The following FAT3 variants were observed in gnomAD, a reference collection of about 807,000 sequenced individuals.
FAT3 encodes FAT atypical cadherin 3.
FAT3 carries 95 observed loss-of-function variants against 310.2 expected under a neutral mutation model. The observed-to-expected ratio is 0.31, with a 90% confidence interval of 0.26 to 0.36. The LOEUF (loss-of-function observed/expected upper bound fraction) is 0.36, where lower values mean the gene tolerates loss of function less well. Among genes scored for constraint, FAT3 ranks in the 10% least tolerant of loss-of-function variants. The pLI is 1.00. For synonymous variants in FAT3, 2,314 were observed against 2,192.9 expected (o/e 1.06, Z -1.54); for missense variants, 5,408 against 5,715.6 (o/e 0.95, Z 1.74).
chr11:92,834,212 C>T (rs951479284), intron 14 of FAT3, among the ~76,000 whole-genome samples: 1 of 152,142 alleles, frequency 6.6e-6, no homozygotes, highest in Non-Finnish European at 1.5e-5. Flanking sequence ...CTTATTTAAG[C>T]AATTCTGTGA....
chr11:92,677,678 G>A (rs141858037), intron 3 of FAT3, among the ~76,000 whole-genome samples: 137 of 152,312 alleles, frequency 9.0e-4, no homozygotes, highest in African/African-American at 3.1e-3. Flanking sequence ...AAGCAGAAGG[G>A]TAAGAGAGCA....
At chr11:92,674,317 G>A (rs1338100766) in intron 3 of FAT3, among the ~76,000 whole-genome samples, 2 of 151,542 alleles carry the variant, frequency 1.3e-5, no homozygotes, top group African/African-American at 2.4e-5. Flanking sequence ...CCTCTAAGGA[G>A]CTCCTGAGCT....
At chr11:92,405,675 T>G (rs906616692) in intron 2 of FAT3, among the ~76,000 whole-genome samples, 1 of 152,164 alleles carries the variant, frequency 6.6e-6, no homozygotes, top group South Asian at 2.1e-4. Context: ...CACTTGGGAC[T>G]AGGAGCTTGA....
intron 2 of FAT3, among the ~76,000 whole-genome samples, chr11:92,524,230 A>G (rs929468068): frequency 2.0e-5 from 3 of 152,154 alleles, no homozygotes; most frequent in Admixed American, 6.5e-5. Flanking sequence ...AGTCAATTCA[A>G]TATCAGGTCA....
chr11:92,837,943 AC>A, intron 17 of FAT3, 137 bp downstream of exon 17: 1 of 1,070,026 alleles, frequency 9.3e-7, no homozygotes, highest in Non-Finnish European at 1.4e-6. Flanking sequence ...ATGAAAAAGA[AC>A]CTAGTTCTTC....
intron 2 of FAT3, among the ~76,000 whole-genome samples, chr11:92,386,956 C>T (rs750928859): frequency 6.6e-5 from 10 of 152,192 alleles, no homozygotes; most frequent in Admixed American, 2.0e-4. Flanking sequence ...CAGCCAAAGA[C>T]GTTTGCTGTT....
At chr11:92,719,685 A>G (rs1944803510) in intron 4 of FAT3, among the ~76,000 whole-genome samples, 1 of 151,352 alleles carries the variant, frequency 6.6e-6, no homozygotes, top group Non-Finnish European at 1.5e-5. Context: ...GGTTGAATCC[A>G]GGACACAGAA....
chr11:92,279,722 T>G (rs1206736874), intron 1 of FAT3, among the ~76,000 whole-genome samples: 3 of 152,164 alleles, frequency 2.0e-5, no homozygotes, highest in Non-Finnish European at 4.4e-5. Flanking sequence ...CCGGCTACTT[T>G]GAAATATGCA....
At chr11:92,555,475 G>A (rs773588509) in intron 3 of FAT3, among the ~76,000 whole-genome samples, 10 of 152,256 alleles carry the variant, frequency 6.6e-5, no homozygotes, top group South Asian at 2.1e-4. Flanking sequence ...AACAGTTTGC[G>A]TACCTCTAAC....
intron 3 of FAT3, among the ~76,000 whole-genome samples, chr11:92,665,465 T>C (rs530281625): frequency 6.6e-6 from 1 of 152,322 alleles, no homozygotes; most frequent in African/African-American, 2.4e-5. Flanking sequence ...ATATTCAAAA[T>C]AGGAAAGACT....
chr11:92,795,745 T>C (rs1947153700), intron 9 of FAT3, among the ~76,000 whole-genome samples: 1 of 152,034 alleles, frequency 6.6e-6, no homozygotes, highest in Non-Finnish European at 1.5e-5. Flanking sequence ...ACCCCGTCTC[T>C]ACAAACATGA....
At chr11:92,329,832 C>G (rs183459338) in intron 1 of FAT3, among the ~76,000 whole-genome samples, 32 of 16,408 alleles carry the variant, frequency 2.0e-3, no homozygotes, top group African/African-American at 7.5e-3. Flanking sequence ...CCTTACCAAT[C>G]AATGAGTCAG....
chr11:92,420,357 T>C lies in FAT3; in HGVS notation c.3292+64953T>C, dbSNP rs1950510729. On this transcript the variant is annotated intron_variant, in intron 2 of 27. Coordinates refer to ENST00000525166, the MANE Select transcript of FAT3 (RefSeq NM_001367949.2). ...TCTGCTTTCCCAAAAGTGGCCACAC[T>C]TTTATAGATTGCTCCATGAGGATGC... Among the ~76,000 whole-genome samples the C allele has an allele frequency of 5.9e-5, 9 of 152,184 alleles. No individual in the cohort carries two copies. In the South Asian group the frequency reaches 1.9e-3, roughly 31 times the overall value.
intron 2 of FAT3, among the ~76,000 whole-genome samples, chr11:92,426,641 C>A (rs571227054): frequency 3.2e-4 from 48 of 152,174 alleles, no homozygotes; most frequent in African/African-American, 9.4e-4. Flanking sequence ...GAATCCTTTC[C>A]CCATTGCTTG....
At chr11:92,746,228 G>A (rs367829112) in intron 4 of FAT3, among the ~76,000 whole-genome samples, 3 of 152,206 alleles carry the variant, frequency 2.0e-5, no homozygotes, top group Non-Finnish European at 4.4e-5. Flanking sequence ...AAAGGAAAGA[G>A]GTTTAATTAA....
intron 4 of FAT3, among the ~76,000 whole-genome samples, chr11:92,751,188 T>A (rs576274796): frequency 4.5e-4 from 68 of 152,312 alleles, no homozygotes; most frequent in African/African-American, 1.5e-3. Flanking sequence ...GGCAGCATAA[T>A]GTGATGGTTA....
chr11:92,820,459 CA>C (rs1947936077), intron 13 of FAT3, among the ~76,000 whole-genome samples: 1 of 152,108 alleles, frequency 6.6e-6, no homozygotes, highest in Non-Finnish European at 1.5e-5. Flanking sequence ...AGGGCCTCAA[CA>C]TATGAATTTT....
At chr11:92,557,924 A>G (rs1955080108) in intron 3 of FAT3, among the ~76,000 whole-genome samples, 1 of 152,208 alleles carries the variant, frequency 6.6e-6, no homozygotes, top group African/African-American at 2.4e-5. Flanking sequence ...TGCCTTTGAC[A>G]AAATGTGAGC....
chr11:92,689,769 G>A (rs1943744223), intron 3 of FAT3, among the ~76,000 whole-genome samples: 1 of 152,146 alleles, frequency 6.6e-6, no homozygotes, highest in Non-Finnish European at 1.5e-5. Context: ...TGTGCATGAG[G>A]ATGGCAAGAC....
Sources: allele counts gnomAD v4.1 joint callset (sites outside exome capture counted in the v4.1 genomes callset), GRCh38; gene constraint gnomAD v4.1.1; transcripts MANE v1.5; gene names NCBI Gene and HGNC (gene_info 2026-07-23, HGNC 2026-07-21).